MTF1: variants seen among roughly 807,000 people sequenced by gnomAD.
MTF1 encodes metal regulatory transcription factor 1.
MTF1 carries 22 observed loss-of-function variants against 70.4 expected under a neutral mutation model. The observed-to-expected ratio is 0.31, with a 90% CI of 0.22 to 0.45. The LOEUF (loss-of-function observed/expected upper bound fraction) is 0.45, where lower values mean the gene tolerates loss of function less well. MTF1 is among the 20% of genes least tolerant of loss of function. The probability of loss-of-function intolerance (pLI) is 1.00; values close to 1 mark genes in which losing one functional copy is unlikely to be tolerated. For missense variants in MTF1, 649 were observed against 922.0 expected, an observed-to-expected ratio of 0.70 and a Z score of 3.83; for synonymous variants, 333 against 352.8, an observed-to-expected ratio of 0.94 and a Z score of 0.63.
At chr1:37,817,370 A>G in intron 10 of MTF1, 49 bp downstream of exon 10, 1 of 1,133,510 alleles carries the variant, frequency 8.8e-7, no homozygotes, top group South Asian at 1.3e-5. Flanking sequence ...CTGTGCCTCA[A>G]GGGACCCACA....
intron 2 of MTF1, among the ~76,000 whole-genome samples, chr1:37,843,500 A>C (rs1015836300): frequency 6.6e-6 from 1 of 152,214 alleles, no homozygotes; most frequent in Non-Finnish European, 1.5e-5. Context: ...GTGTGACTCA[A>C]GGATGGACAA....
Position 37,822,156 on chromosome 1 carries a change from C to T in MTF1, c.1732G>A (p.Gly578Ser). The part of the protein sequence containing the change: ...GEQNLQWILN[G>S]ATSSPQNQEQ... ...TGGTTTTGTGGAGAACTGGTGGCAC[C>T]ATTTAATATCCATTGTAAGTTCTGT... Residue 578 changes from glycine to serine, a missense_variant, in exon 9 of 11, where the codon GGT becomes AGT. Physicochemically the swap from Gly to Ser is moderately conservative, Grantham distance 56. Transcript: ENST00000373036. The T allele has an allele frequency of 6.2e-7, 1 of 1,610,346 alleles. No individual in the cohort carries two copies. The highest frequency in any genetic ancestry group is 1.1e-5 in the South Asian group (1 of 90,688).
chr1:37,857,756 G>C, intron 1 of MTF1, 47 bp from the exon 2 acceptor site: 1 of 1,196,904 alleles, frequency 8.4e-7, no homozygotes, highest in South Asian at 1.4e-5. Context: ...CAAGACCGAC[G>C]GACCTCCTCA....
intron 6 of MTF1, among the ~76,000 whole-genome samples, chr1:37,833,200 T>TA (rs944118279): frequency 9.8e-5 from 15 of 152,336 alleles, no homozygotes; most frequent in Admixed American, 5.9e-4. Context: ...CCCCATTTTT[T>TA]ATTCTTTTTG....
At chr1:37,856,170 CTTTTTTTTT>C (rs869062644) in intron 2 of MTF1, among the ~76,000 whole-genome samples, 3 of 74,158 alleles carry the variant, frequency 4.0e-5, no homozygotes, top group Admixed American at 2.2e-4. Flanking sequence ...CCTGAATTTC[CTTTTTTTTT>C]TTTTTTTTTT....
intron 2 of MTF1, chr1:37,841,258 C>G (rs1163346172): frequency 6.5e-6 from 1 of 154,950 alleles, no homozygotes; most frequent in Non-Finnish European, 1.4e-5. Context: ...TCCAAGGGGC[C>G]ATGATCCTGG....
chr1:37,818,857 G>C (rs1640863991), intron 9 of MTF1, among the ~76,000 whole-genome samples: 1 of 151,896 alleles, frequency 6.6e-6, no homozygotes, highest in Non-Finnish European at 1.5e-5. Context: ...GACGGGTGTG[G>C]TGGCGGGTGC....
Position 37,835,785 on chromosome 1 carries a change from A to G in MTF1, c.780-41T>C, listed in dbSNP as rs369991212. On this transcript the variant is annotated intron_variant, in intron 4 of 10. Coordinates refer to ENST00000373036, the MANE Select transcript of MTF1 (RefSeq NM_005955.3). Reference sequence around the variant, plus strand: ...AAAGAGAAACAGGAGTCATTAGCTAATAGATCTTTATCCTGAACGTCTTTT... The same window carrying G: ...AAAGAGAAACAGGAGTCATTAGCTAGTAGATCTTTATCCTGAACGTCTTTT... 507 of 1,509,334 alleles carry G rather than the reference A, an allele frequency of 3.4e-4. 2 individuals are homozygous for G. In the South Asian group the frequency reaches 4.8e-3, roughly 14 times the overall value. 93.5% of individuals were successfully genotyped at this position (1,509,334 alleles called of 1,614,324 possible).
At position 37,810,696 on chromosome 1, in the gene MTF1, A is replaced by T. The variant is rs1278013224; in HGVS notation, c.*4440T>A. 6.6e-6 allele frequency: 1 copy of T among 152,204 alleles called. No homozygotes were observed. The allele number at this position is 152,204 out of a possible 1,614,324, so 9.4% of individuals were successfully genotyped here. ...CACAGCAGAACTATTTGCATATTGG[A>T]TCTATGAAAATCCTTCTGCTTTGGC... On this transcript the variant is annotated 3_prime_UTR_variant, in exon 11 of 11. Coordinates refer to ENST00000373036, the MANE Select transcript of MTF1 (RefSeq NM_005955.3).
chr1:37,848,861 T>G (rs1641372261), intron 2 of MTF1, among the ~76,000 whole-genome samples: 1 of 152,154 alleles, frequency 6.6e-6, no homozygotes, highest in Non-Finnish European at 1.5e-5. Context: ...AAAAAGTCGG[T>G]AGTTCCCCTC....
chr1:37,854,912 A>G (rs1336734560), intron 2 of MTF1, among the ~76,000 whole-genome samples: 1 of 152,166 alleles, frequency 6.6e-6, no homozygotes, highest in Non-Finnish European at 1.5e-5. Context: ...ATACAAAATT[A>G]GCTGGGTGTG....
At chr1:37,827,720 T>A (rs1641025498) in intron 7 of MTF1, among the ~76,000 whole-genome samples, 1 of 152,334 alleles carries the variant, frequency 6.6e-6, no homozygotes, top group South Asian at 2.1e-4. Context: ...TTATTACTTT[T>A]GTTCTGTTTA....
rs1187248719 is a variant in MTF1, at chr1:37,850,563, AG to A, written c.408+6687del. On this transcript the variant is annotated intron_variant, in intron 2 of 10. Coordinates refer to ENST00000373036, the MANE Select transcript of MTF1 (RefSeq NM_005955.3). ...AGAGAAAGAGAAAAAAAAGGGAGAG[AG>A]AAAGAGAGAGAGAGAGAGAGAGAGA... 5.0e-3 allele frequency among the ~76,000 whole-genome samples: 750 copies of A among 151,082 alleles called. 5 individuals are homozygous for A. The highest frequency in any genetic ancestry group is 0.017 in the African/African-American group (704 of 40,780).
rs888044170 is a variant in MTF1 at position 37,814,546 on chromosome 1, C to G, written c.*590G>C. 1 of 154,666 alleles carries G rather than the reference C, an allele frequency of 6.5e-6. No homozygotes were observed. Among genetic ancestry groups the G allele is most frequent in the Non-Finnish European group, 1.4e-5 (1 of 69,722 alleles). 9.6% of individuals were successfully genotyped at this position (154,666 alleles called of 1,614,324 possible). A position where few individuals can be genotyped will look rare whatever the true frequency, so the allele number is the denominator to read the frequency against. On this transcript the variant is annotated 3_prime_UTR_variant, in exon 11 of 11. Transcript: ENST00000373036. The stretch of plus-strand genomic sequence containing the variant: ...TGCTGAAGCGGGCTGCAGAACGACC[C>G]GTGTTATCCACCCTGAGCACCACCA...
chr1:37,833,420 T>C (rs1273895623), intron 6 of MTF1, among the ~76,000 whole-genome samples: 2 of 152,186 alleles, frequency 1.3e-5, no homozygotes, highest in Admixed American at 6.5e-5. Context: ...GGATTTAGAA[T>C]TCAAATTCCA....
chr1:37,840,549 T>C lies in MTF1; in HGVS notation c.409-391A>G. 3 of 452,754 alleles carry C rather than the reference T, an allele frequency of 6.6e-6. No individual in the cohort carries two copies. The highest frequency in any genetic ancestry group is 8.8e-6 in the Non-Finnish European group (2 of 227,856). 28.0% of individuals were successfully genotyped at this position (452,754 alleles called of 1,614,324 possible). ...TCCAGAACTACAACTTGATTGGAAT[T>C]ACCAATATTAAATTGAGTTTAAAAC... On this transcript the variant is annotated intron_variant, in intron 2 of 10. Coordinates refer to ENST00000373036, the MANE Select transcript of MTF1 (RefSeq NM_005955.3). The surrounding 1 kb of genome is among the most constrained non-coding windows in gnomAD (Gnocchi z 4.5).
chr1:37,857,223 C>A, intron 2 of MTF1, 28 bp downstream of exon 2: 1 of 1,591,198 alleles, frequency 6.3e-7, no homozygotes, highest in Non-Finnish European at 8.6e-7. Flanking sequence ...CAAAACCAAA[C>A]TAGGCCCTCA....
rs1640719806 is a variant in MTF1, at chr1:37,810,947, C to T, written c.*4189G>A. On this transcript the variant is annotated 3_prime_UTR_variant, in exon 11 of 11. Transcript: ENST00000373036. Reference sequence around the variant, plus strand: ...CCCCTGCCACCCATGCCTCCCCAAACATATTTCTGATTGGTGGTGTAAGAC... The same window carrying T: ...CCCCTGCCACCCATGCCTCCCCAAATATATTTCTGATTGGTGGTGTAAGAC... 1 of 152,576 alleles carries T rather than the reference C, an allele frequency of 6.6e-6. No homozygotes were observed. The highest frequency in any genetic ancestry group is 1.5e-5 in the Non-Finnish European group (1 of 68,038). The allele number at this position is 152,576 out of a possible 1,614,324, so 9.5% of individuals were successfully genotyped here. A position where few individuals can be genotyped will look rare whatever the true frequency, so the allele number is the denominator to read the frequency against.
chr1:37,826,675 G>A (rs575160790), intron 7 of MTF1: 1 of 426,956 alleles, frequency 2.3e-6, no homozygotes, highest in Non-Finnish European at 4.6e-6. Flanking sequence ...TATGATAGAA[G>A]GTGAAGTCAG....
Sources: allele counts gnomAD v4.1 joint callset (sites outside exome capture counted in the v4.1 genomes callset), GRCh38; gene constraint gnomAD v4.1.1; non-coding constraint Gnocchi (gnomAD v3.1); transcripts MANE v1.5; gene names NCBI Gene and HGNC (gene_info 2026-07-23, HGNC 2026-07-21).